The following CA10 variants were observed in gnomAD, a reference collection of about 807,000 sequenced individuals.
CA10 encodes the protein carbonic anhydrase-related protein 10.
CA10 carries 14 observed loss-of-function variants against 44.2 expected under a neutral mutation model. The observed-to-expected ratio is 0.32, with a 90% CI of 0.21 to 0.50. The LOEUF is 0.50. CA10 is among the 20% of genes least tolerant of loss of function. CA10 has a pLI of 0.99. For missense variants in CA10, 350 were observed against 409.7 expected (o/e 0.85, Z 1.26); for synonymous variants, 159 against 141.6 (o/e 1.12, Z -0.87).
chr17:51,766,764 G>T (rs927229689), intron 3 of CA10, among the ~76,000 whole-genome samples: 1 of 152,192 alleles, frequency 6.6e-6, no homozygotes, highest in African/African-American at 2.4e-5. Context: ...TAAGGTTGCT[G>T]TTAACTCAAG....
At chr17:51,820,042 C>T (rs1287791475) in intron 3 of CA10, among the ~76,000 whole-genome samples, 1 of 152,056 alleles carries the variant, frequency 6.6e-6, no homozygotes, top group African/African-American at 2.4e-5. Context: ...ATTATAAGAA[C>T]CTGATGAGGC....
chr17:51,832,292 G>T (rs1192156933), intron 3 of CA10, among the ~76,000 whole-genome samples: 1 of 152,196 alleles, frequency 6.6e-6, no homozygotes, highest in East Asian at 1.9e-4. Flanking sequence ...GGAGGAGGAG[G>T]ACTAGTGTGG....
chr17:51,947,402 T>C (rs894510499), intron 2 of CA10, among the ~76,000 whole-genome samples: 2 of 152,134 alleles, frequency 1.3e-5, no homozygotes, highest in Admixed American at 1.3e-4. Context: ...TATGTTCTTG[T>C]CAGTGTAGAT....
At chr17:52,043,592 A>G (rs1986830057) in intron 2 of CA10, among the ~76,000 whole-genome samples, 1 of 151,966 alleles carries the variant, frequency 6.6e-6, no homozygotes, top group Non-Finnish European at 1.5e-5. Context: ...CCAGTACTAT[A>G]TTGAATAAAA....
rs527307043 is a variant in CA10, at chr17:51,786,841, T to G, written c.280-39023A>C. ...ATATATAGCTTTTATTATGGTGAGG[T>G]ACGTTCTTTCTATACCTAGTTTTTT... On this transcript the variant is annotated intron_variant, in intron 3 of 8. Transcript: ENST00000451037. Among the ~76,000 whole-genome samples, 10 of 152,312 alleles carry G rather than the reference T, an allele frequency of 6.6e-5. No homozygotes were observed. In the East Asian group the frequency reaches 1.9e-3, roughly 29 times the overall value.
At chr17:51,906,786 T>C (rs1233268396) in intron 3 of CA10, among the ~76,000 whole-genome samples, 1 of 152,122 alleles carries the variant, frequency 6.6e-6, no homozygotes, top group Non-Finnish European at 1.5e-5. Context: ...CAAAGGGCCA[T>C]TCACTCAATG....
intron 3 of CA10, among the ~76,000 whole-genome samples, chr17:51,826,161 G>T (rs188634232): frequency 6.6e-6 from 1 of 152,308 alleles, no homozygotes; most frequent in African/African-American, 2.4e-5. Context: ...ACTGCGGATG[G>T]AAATTATAAA....
rs570468871 is a variant in CA10, at chr17:51,961,666, T to C, written c.137-30534A>G. Reference sequence around the variant, plus strand: ...TTAAAATGATATTAAGAGAAAATTATAGACAACTCTATTCCCCCACATTTG... The same window carrying C: ...TTAAAATGATATTAAGAGAAAATTACAGACAACTCTATTCCCCCACATTTG... On this transcript the variant is annotated intron_variant, in intron 2 of 8. Transcript: ENST00000451037. Among the ~76,000 whole-genome samples, 5 of 152,278 alleles carry C rather than the reference T, an allele frequency of 3.3e-5. No homozygotes were observed. The East Asian group carries it at 7.7e-4, about 24-fold the overall frequency.
chr17:52,048,344 G>T lies in CA10; in HGVS notation c.136+23975C>A, dbSNP rs376934831. 5.0e-4 allele frequency among the ~76,000 whole-genome samples: 76 copies of T among 152,102 alleles called. 1 individual carries two copies. The highest frequency in any genetic ancestry group is 1.7e-3 in the African/African-American group (72 of 41,520). On this transcript the variant is annotated intron_variant, in intron 2 of 8. Transcript: ENST00000451037. ...CAGATAGAAAGAAGCAGCTGAGAGC[G>T]ATTTCTTGCATCTGTTTATCAAGTA...
chr17:52,133,247 TG>T (rs1181670200), intron 1 of CA10, among the ~76,000 whole-genome samples: 1 of 152,192 alleles, frequency 6.6e-6, no homozygotes, highest in Non-Finnish European at 1.5e-5. Flanking sequence ...AGGTAAGCCT[TG>T]GAGCCTCCAG....
rs1916198925 is a variant in CA10 at position 51,717,812 on chromosome 17, CGT to C, written c.465+29819_465+29820del. On this transcript the variant is annotated intron_variant, in intron 4 of 8. Coordinates refer to ENST00000451037, the MANE Select transcript of CA10 (RefSeq NM_020178.5). ...ATATGTATATGTGTATATATATACA[CGT>C]ATATATATGTGTGTGTATATATATA... 1.8e-4 allele frequency among the ~76,000 whole-genome samples: 2 copies of C among 11,414 alleles called. 1 individual carries two copies. Among genetic ancestry groups the C allele is most frequent in the African/African-American group, 6.2e-4 (2 of 3,230 alleles). 7.5% of individuals were successfully genotyped at this position (11,414 alleles called of 152,430 possible).
chr17:52,109,045 T>C (rs1174518945), intron 1 of CA10, among the ~76,000 whole-genome samples: 1 of 152,186 alleles, frequency 6.6e-6, no homozygotes, highest in Non-Finnish European at 1.5e-5. Context: ...ACTAGGTTCA[T>C]GGATTGGAGG....
At chr17:51,834,054 T>A (rs1346429904) in intron 3 of CA10, among the ~76,000 whole-genome samples, 1 of 152,206 alleles carries the variant, frequency 6.6e-6, no homozygotes, top group Non-Finnish European at 1.5e-5. Flanking sequence ...AGTCACTGTC[T>A]TTTTGCAATG....
chr17:52,127,717 T>C (rs969224046), intron 1 of CA10, among the ~76,000 whole-genome samples: 4 of 152,224 alleles, frequency 2.6e-5, no homozygotes, highest in Non-Finnish European at 4.4e-5. Context: ...TCTCCCCTTT[T>C]CATTTCACTA....
chr17:52,159,247 C>G (rs564740691), upstream of CA10: 1 of 152,470 alleles, frequency 6.6e-6, no homozygotes, highest in East Asian at 1.9e-4. Flanking sequence ...TACCCCTTTC[C>G]GTGCCAGTGC....
At chr17:52,028,199 T>A (rs1382641779) in intron 2 of CA10, among the ~76,000 whole-genome samples, 1 of 152,178 alleles carries the variant, frequency 6.6e-6, no homozygotes, top group Non-Finnish European at 1.5e-5. Context: ...ATGCAGAGGC[T>A]GCAGAGTTAC....
chr17:51,719,507 G>A (rs141947087), intron 4 of CA10, among the ~76,000 whole-genome samples: 1 of 152,282 alleles, frequency 6.6e-6, no homozygotes, highest in Non-Finnish European at 1.5e-5. Flanking sequence ...CAAATAGGAA[G>A]AAGAGCTGCC....
chr17:52,027,000 T>C (rs1475010723), intron 2 of CA10, among the ~76,000 whole-genome samples: 2 of 152,072 alleles, frequency 1.3e-5, no homozygotes, highest in African/African-American at 4.8e-5. Flanking sequence ...TATTATTACA[T>C]TGTAATATTT....
rs372604088 is a variant in CA10, at chr17:51,930,251, G to T, written c.279+739C>A. Among the ~76,000 whole-genome samples, 5 of 151,866 alleles carry T rather than the reference G, an allele frequency of 3.3e-5. No individual in the cohort carries two copies. The South Asian group carries it at 6.2e-4, about 19-fold the overall frequency. ...TCTTAACAATAGCTAAATTACCTTT[G>T]AACACAATTTTCTGCATGTGCATTT... On this transcript the variant is annotated intron_variant, in intron 3 of 8. Coordinates refer to ENST00000451037, the MANE Select transcript of CA10 (RefSeq NM_020178.5).
Sources: allele counts gnomAD v4.1 joint callset (sites outside exome capture counted in the v4.1 genomes callset), GRCh38; gene constraint gnomAD v4.1.1; transcripts MANE v1.5; gene names NCBI Gene and HGNC (gene_info 2026-07-23, HGNC 2026-07-21).